The following SS18L1 variants were observed in gnomAD, a reference collection of about 807,000 sequenced individuals.
The protein encoded by SS18L1 is calcium-responsive transactivator.
SS18L1 carries 32 observed loss-of-function variants against 70.3 expected under a neutral mutation model. The ratio of observed to expected loss-of-function variants is 0.46; its 90% CI spans 0.34 to 0.61. The LOEUF (loss-of-function observed/expected upper bound fraction) is 0.61, where lower values mean the gene tolerates loss of function less well. SS18L1 is among the 20% of genes least tolerant of loss of function. The pLI is 0.01. For synonymous variants in SS18L1, 237 were observed against 229.7 expected (o/e 1.03, Z -0.29); for missense variants, 430 against 542.1 (o/e 0.79, Z 2.05).
At position 62,174,477 on chromosome 20, in the gene SS18L1, T is replaced by G. The variant is rs756287315; in HGVS notation, c.1037-40T>G. 6.4e-6 allele frequency: 10 copies of G among 1,558,598 alleles called. No homozygotes were observed. The highest frequency in any genetic ancestry group is 7.8e-6 in the Non-Finnish European group (9 of 1,153,446). ...GTTAAGAAAAAAAAAGAAAGAGGTG[T>G]CCGTTTTGGCCGGCCTCACGGTTCC... On this transcript the variant is annotated intron_variant, in intron 9 of 10. Transcript: ENST00000331758. The surrounding 1 kb of genome is among the most constrained non-coding windows in gnomAD (Gnocchi z 4.1).
chr20:62,164,088 G>T, intron 6 of SS18L1, 57 bp from the exon 7 acceptor site: 1 of 1,484,240 alleles, frequency 6.7e-7, no homozygotes, highest in Non-Finnish European at 9.1e-7. Flanking sequence ...GAGCGAGCAG[G>T]TCCTCTGAGG....
intron 8 of SS18L1, among the ~76,000 whole-genome samples, chr20:62,171,066 TA>T (rs112621790): frequency 0.14 from 20,756 of 151,886 alleles, 1,740 homozygotes; most frequent in South Asian, 0.24. Context: ...CATGCCGGGC[TA>T]AATTTTTTGT....
intron 8 of SS18L1, among the ~76,000 whole-genome samples, chr20:62,169,374 TC>T (rs1453998031): frequency 6.6e-6 from 1 of 152,144 alleles, no homozygotes; most frequent in Non-Finnish European, 1.5e-5. Context: ...GCTCAGGCAG[TC>T]CAGAGCAGGG....
At chr20:62,178,920 G>A (rs2057666535) in intron 10 of SS18L1, among the ~76,000 whole-genome samples, 1 of 152,212 alleles carries the variant, frequency 6.6e-6, no homozygotes, top group Middle Eastern at 3.2e-3. Flanking sequence ...CCAGCATAAG[G>A]CTCTGATGCC....
intron 1 of SS18L1, among the ~76,000 whole-genome samples, chr20:62,151,993 C>T (rs984285574): frequency 2.1e-4 from 31 of 150,572 alleles, no homozygotes; most frequent in African/African-American, 6.6e-4. Flanking sequence ...CAGGGCTGGC[C>T]TCCCCCGTTC....
At position 62,164,254 on chromosome 20, in the gene SS18L1, C is replaced by T. The variant is rs756222763; in HGVS notation, c.823+8C>T. ...AGCAGTACTACCCCGACGGTGAGCA[C>T]TGGCGGCGGCCTGACCCCGCCCAGG... is the stretch of plus-strand genomic sequence containing the variant. On this transcript the variant is annotated splice_region_variant and intron_variant, in intron 7 of 10. Coordinates refer to ENST00000331758, the MANE Select transcript of SS18L1 (RefSeq NM_198935.3). The T allele has an allele frequency of 1.3e-6, 2 of 1,545,118 alleles. No homozygotes were observed. The highest frequency in any genetic ancestry group is 1.7e-6 in the Non-Finnish European group (2 of 1,144,432).
chr20:62,160,686 G>GT (rs745948279), intron 3 of SS18L1, among the ~76,000 whole-genome samples: 6 of 152,188 alleles, frequency 3.9e-5, no homozygotes, highest in Non-Finnish European at 7.3e-5. Flanking sequence ...CGGGAATGAC[G>GT]TATCTCCTAG....
At chr20:62,160,682 T>G (rs2145734013) in intron 3 of SS18L1, among the ~76,000 whole-genome samples, 1 of 152,324 alleles carries the variant, frequency 6.6e-6, no homozygotes, top group Non-Finnish European at 1.5e-5. Flanking sequence ...TCGCCGGGAA[T>G]GACGTATCTC....
intron 6 of SS18L1, 130 bp downstream of exon 6, chr20:62,163,752 G>A (rs1480213051): frequency 2.1e-5 from 27 of 1,298,148 alleles, no homozygotes; most frequent in East Asian, 2.5e-5. Context: ...GAGGCTTGGC[G>A]CCTTGGTGTT....
chr20:62,178,141 CTT>C (rs61157167), intron 10 of SS18L1, among the ~76,000 whole-genome samples: 12,664 of 98,022 alleles, frequency 0.13, 919 homozygotes, highest in South Asian at 0.27. Context: ...GTGGCTTATT[CTT>C]TTTTTTTTTT....
chr20:62,174,690 T>TC lies in SS18L1; in HGVS notation c.1164+47dup. On this transcript the variant is annotated intron_variant, in intron 10 of 10. Coordinates refer to ENST00000331758, the MANE Select transcript of SS18L1 (RefSeq NM_198935.3). The surrounding 1 kb of genome is among the most constrained non-coding windows in gnomAD (Gnocchi z 4.1). ...CAGATGTGCCCATCCGCCGCGCCTG[T>TC]CGAGACATAATGAAGATTTCTCTTA... 6.2e-7 allele frequency: 1 copy of TC among 1,612,856 alleles called. No individual in the cohort carries two copies. Among genetic ancestry groups the TC allele is most frequent in the Non-Finnish European group, 8.5e-7 (1 of 1,179,932 alleles).
At position 62,163,772 on chromosome 20, in the gene SS18L1, T is replaced by G. The variant is rs1012647900; in HGVS notation, c.721+150T>G. The stretch of plus-strand genomic sequence containing the variant: ...TTGGCGCCTTGGTGTTAACATTGAG[T>G]GTGGACCCTGGGGGTGAGGGCCAGG... On this transcript the variant is annotated intron_variant, in intron 6 of 10. Coordinates refer to ENST00000331758, the MANE Select transcript of SS18L1 (RefSeq NM_198935.3). 73 of 1,168,760 alleles carry G rather than the reference T, an allele frequency of 6.2e-5. 1 individual carries two copies. Among genetic ancestry groups the G allele is most frequent in the Admixed American group, 1.2e-4 (4 of 34,732 alleles). The allele number at this position is 1,168,760 out of a possible 1,614,324, so 72.4% of individuals were successfully genotyped here. A position where few individuals can be genotyped will look rare whatever the true frequency, so the allele number is the denominator to read the frequency against.
chr20:62,159,962 G>T lies in SS18L1; in HGVS notation c.231+1G>T, dbSNP rs1393458958. 6.2e-7 allele frequency: 1 copy of T among 1,610,682 alleles called. No homozygotes were observed. Among genetic ancestry groups the T allele is most frequent in the East Asian group, 2.2e-5 (1 of 44,750 alleles). ...GAACATGCAGTCCCTGCTTCCTGCC[G>T]TGAGTACCCACGGGGGGTTGGCCTC... On this transcript the variant is annotated splice_donor_variant, in intron 3 of 10. Transcript: ENST00000331758. LOFTEE classifies it high-confidence loss of function. This position sits in a 1 kb window ranked among gnomAD's most constrained non-coding sequence, Gnocchi z 4.4.
intron 1 of SS18L1, among the ~76,000 whole-genome samples, chr20:62,152,120 C>G (rs2057144513): frequency 6.6e-6 from 1 of 152,174 alleles, no homozygotes; most frequent in Non-Finnish European, 1.5e-5. Flanking sequence ...TGTGCTCCTG[C>G]CCAGCCTCCA....
At chr20:62,176,402 A>C (rs900790063) in intron 10 of SS18L1, among the ~76,000 whole-genome samples, 2 of 152,096 alleles carry the variant, frequency 1.3e-5, no homozygotes, top group African/African-American at 2.4e-5. Flanking sequence ...AATCCCAGCT[A>C]CTTGGAAGGC....
At position 62,178,232 on chromosome 20, in the gene SS18L1, C is replaced by T. The variant is rs2057655291; in HGVS notation, c.1165-950C>T. The stretch of plus-strand genomic sequence containing the variant: ...CATGATCTCGGTTCACTGCAACCTC[C>T]ACCTCTCAGGCCCAGTGATTCTCCT... On this transcript the variant is annotated intron_variant, in intron 10 of 10. Transcript: ENST00000331758. Among the ~76,000 whole-genome samples, 4 of 150,020 alleles carry T rather than the reference C, an allele frequency of 2.7e-5. No homozygotes were observed. In the South Asian group the frequency reaches 8.4e-4, roughly 32 times the overall value.
Position 62,143,790 on chromosome 20 carries a change from A to T in SS18L1, c.-31A>T, listed in dbSNP as rs755976813. The T allele has an allele frequency of 1.5e-6, 2 of 1,332,902 alleles. No homozygotes were observed. Among genetic ancestry groups the T allele is most frequent in the Non-Finnish European group, 2.0e-6 (2 of 1,011,038 alleles). The allele number at this position is 1,332,902 out of a possible 1,614,324, so 82.6% of individuals were successfully genotyped here. ...CAGCGCAGCCGGAGTATCCACCTCG[A>T]TGACCACGGGCTGAGCCCCGCGCCG... is the stretch of plus-strand genomic sequence containing the variant. On this transcript the variant is annotated 5_prime_UTR_variant, in exon 1 of 11. It removes an upstream start codon present in the reference 5' UTR. Transcript: ENST00000331758.
intron 1 of SS18L1, among the ~76,000 whole-genome samples, chr20:62,145,789 A>G (rs1281192411): frequency 6.6e-6 from 1 of 152,114 alleles, no homozygotes; most frequent in African/African-American, 2.4e-5. Context: ...GACGGTGAAT[A>G]TATGTACCCA....
chr20:62,161,747 G>A lies in SS18L1; in HGVS notation c.376+167G>A, dbSNP rs998222810. Among the ~76,000 whole-genome samples the A allele has an allele frequency of 1.5e-4, 23 of 152,236 alleles. No individual in the cohort carries two copies. The highest frequency in any genetic ancestry group is 2.6e-4 in the Non-Finnish European group (18 of 68,032). ...GCTGCCATCGCCCAGGCTCAGGGCC[G>A]CAGCGAGCGTGCCGTGCGGCTGGGC... On this transcript the variant is annotated intron_variant, in intron 4 of 10. Coordinates refer to ENST00000331758, the MANE Select transcript of SS18L1 (RefSeq NM_198935.3). This position sits in a 1 kb window ranked among gnomAD's most constrained non-coding sequence, Gnocchi z 4.4.
Sources: gnomAD v4.1 joint callset for allele counts (sites outside exome capture counted in the v4.1 genomes callset) on GRCh38, gnomAD v4.1.1 for gene constraint, Gnocchi (gnomAD v3.1) non-coding constraint, MANE v1.5 for transcripts, NCBI Gene and HGNC (gene_info 2026-07-23, HGNC 2026-07-21) for gene names.